The following ARHGEF3 variants were observed in gnomAD, a reference collection of about 807,000 sequenced individuals.
ARHGEF3 encodes 59.8 kDA protein.
In ARHGEF3, 28 loss-of-function variants were observed where a neutral mutation model predicts 63.2. The ratio of observed to expected loss-of-function variants is 0.44; its 90% confidence interval spans 0.33 to 0.61. The LOEUF (loss-of-function observed/expected upper bound fraction) is 0.61. Ranked by LOEUF, ARHGEF3 falls within the 20% of genes least tolerant of loss-of-function variation. The probability of loss-of-function intolerance (pLI) is 0.03; values close to 1 mark genes in which losing one functional copy is unlikely to be tolerated. For missense variants in ARHGEF3, 533 were observed against 659.3 expected, an observed-to-expected ratio of 0.81 and a Z score of 2.10; for synonymous variants, 266 against 254.2, an observed-to-expected ratio of 1.05 and a Z score of -0.44.
rs1560094810 is a variant in ARHGEF3, at chr3:56,968,327, T to TAC, written c.63-9439_63-9438insGT. 1.6e-3 allele frequency among the ~76,000 whole-genome samples: 85 copies of TAC among 54,586 alleles called. 5 individuals are homozygous for TAC. The highest frequency in any genetic ancestry group is 4.6e-3 in the African/African-American group (83 of 17,996). The allele number at this position is 54,586 out of a possible 152,430, so 35.8% of individuals were successfully genotyped here. A position where few individuals can be genotyped will look rare whatever the true frequency, so the allele number is the denominator to read the frequency against. On this transcript the variant is annotated intron_variant, in intron 2 of 12. Coordinates refer to the ARHGEF3 transcript ENST00000338458. The stretch of plus-strand genomic sequence containing the variant: ...TAATATATATAAAATATATTTTATA[T>TAC]ATATATAATATATAATATATATATT...
chr3:57,014,442 G>A (rs568889338), intron 2 of ARHGEF3, among the ~76,000 whole-genome samples: 6 of 152,084 alleles, frequency 3.9e-5, no homozygotes, highest in Non-Finnish European at 7.4e-5. Flanking sequence ...CCAGAAGAAA[G>A]CAGGAAATCG....
intron 4 of ARHGEF3, among the ~76,000 whole-genome samples, chr3:56,873,448 C>T (rs2040494594): frequency 1.3e-5 from 2 of 152,124 alleles, no homozygotes; most frequent in Admixed American, 1.3e-4. Context: ...CATGTGTTCT[C>T]ATCATTTAGC....
intron 2 of ARHGEF3, among the ~76,000 whole-genome samples, chr3:56,999,031 A>G (rs143165614): frequency 3.8e-4 from 57 of 151,906 alleles, no homozygotes; most frequent in African/African-American, 1.3e-3. Context: ...TAAAGTAGTA[A>G]GAATTTTCAA....
At chr3:57,003,174 G>C (rs922482143) in intron 2 of ARHGEF3, among the ~76,000 whole-genome samples, 1 of 151,196 alleles carries the variant, frequency 6.6e-6, no homozygotes, top group African/African-American at 2.4e-5. Flanking sequence ...GGGAGGCAGA[G>C]GCGGGCGGAT....
At chr3:56,754,627 T>G (rs1269341541) in intron 3 of ARHGEF3, among the ~76,000 whole-genome samples, 2 of 152,238 alleles carry the variant, frequency 1.3e-5, no homozygotes, top group African/African-American at 4.8e-5. Context: ...AAGTTTTCCA[T>G]GAAGCTGAAT....
intron 9 of ARHGEF3, among the ~76,000 whole-genome samples, chr3:56,730,786 C>G (rs1006080423): frequency 6.6e-6 from 1 of 152,188 alleles, no homozygotes; most frequent in African/African-American, 2.4e-5. Flanking sequence ...TTGCACTAAC[C>G]CTGCAGCCAG....
chr3:56,871,326 C>T (rs923446677), intron 4 of ARHGEF3, among the ~76,000 whole-genome samples: 1 of 151,958 alleles, frequency 6.6e-6, no homozygotes, highest in Non-Finnish European at 1.5e-5. Context: ...TTTTTCTATC[C>T]CCAAATTATT....
intron 1 of ARHGEF3, among the ~76,000 whole-genome samples, chr3:56,778,726 G>A (rs1267309604): frequency 6.6e-6 from 1 of 152,000 alleles, no homozygotes; most frequent in African/African-American, 2.4e-5. Flanking sequence ...TTAGAGAAGG[G>A]GTCTTGCCAT....
intron 2 of ARHGEF3, among the ~76,000 whole-genome samples, chr3:57,007,735 G>T (rs1160441568): frequency 6.6e-6 from 1 of 152,168 alleles, no homozygotes; most frequent in Non-Finnish European, 1.5e-5. Flanking sequence ...CAAGAGACTG[G>T]CTTTGGTGTT....
At chr3:56,807,075 G>C (rs1021674756) in intron 4 of ARHGEF3, among the ~76,000 whole-genome samples, 7 of 151,934 alleles carry the variant, frequency 4.6e-5, no homozygotes, top group Admixed American at 1.3e-4. Flanking sequence ...AGTAGAGACG[G>C]GGTTTCACCA....
chr3:57,005,952 G>A (rs920273199), intron 2 of ARHGEF3, among the ~76,000 whole-genome samples: 4 of 152,182 alleles, frequency 2.6e-5, no homozygotes, highest in African/African-American at 9.7e-5. Context: ...AGGATATGAT[G>A]AGCACCTATT....
At chr3:56,876,626 A>G (rs1477774190) in intron 4 of ARHGEF3, among the ~76,000 whole-genome samples, 1 of 152,194 alleles carries the variant, frequency 6.6e-6, no homozygotes, top group Non-Finnish European at 1.5e-5. Context: ...CTTCCCAAGT[A>G]TTCCTTGCCA....
chr3:56,838,654 G>A (rs897181127), intron 4 of ARHGEF3, among the ~76,000 whole-genome samples: 15 of 152,176 alleles, frequency 9.9e-5, no homozygotes, highest in Non-Finnish European at 2.2e-4. Flanking sequence ...GCAGAGAGAA[G>A]CAACAGCTGA....
intron 5 of ARHGEF3, 53 bp downstream of exon 5, chr3:56,751,247 G>A: frequency 6.4e-7 from 1 of 1,558,908 alleles, no homozygotes. Flanking sequence ...CTCATTATAA[G>A]ACAACTCAGT....
intron 4 of ARHGEF3, among the ~76,000 whole-genome samples, chr3:56,863,403 G>A (rs1020997348): frequency 6.6e-5 from 10 of 151,850 alleles, no homozygotes; most frequent in African/African-American, 2.4e-4. Context: ...AGGTTCAAGC[G>A]ATCCTCTCAC....
intron 4 of ARHGEF3, among the ~76,000 whole-genome samples, chr3:56,842,515 C>T (rs1158923267): frequency 6.6e-6 from 1 of 152,174 alleles, no homozygotes; most frequent in Non-Finnish European, 1.5e-5. Context: ...ATTAAATGAT[C>T]CCTAGCAGAT....
chr3:56,754,301 T>C (rs1301792133), intron 3 of ARHGEF3, among the ~76,000 whole-genome samples: 2 of 152,206 alleles, frequency 1.3e-5, no homozygotes, highest in Non-Finnish European at 2.9e-5. Flanking sequence ...AACATTACAT[T>C]ATTAAAGGAG....
intron 1 of ARHGEF3, among the ~76,000 whole-genome samples, chr3:57,056,030 G>T (rs890730663): frequency 6.6e-6 from 1 of 152,102 alleles, no homozygotes; most frequent in South Asian, 2.1e-4. Flanking sequence ...GGAGGCCACA[G>T]AATATGAGCA....
At chr3:56,785,663 A>G (rs2036765564) in intron 1 of ARHGEF3, among the ~76,000 whole-genome samples, 1 of 152,188 alleles carries the variant, frequency 6.6e-6, no homozygotes, top group Non-Finnish European at 1.5e-5. Flanking sequence ...AAGAGGAAAA[A>G]GAAGTAGGGA....
Sources: gnomAD v4.1 joint callset for allele counts (sites outside exome capture counted in the v4.1 genomes callset) on GRCh38, gnomAD v4.1.1 for gene constraint, MANE v1.5 for transcripts, NCBI Gene and HGNC (gene_info 2026-07-23, HGNC 2026-07-21) for gene names.